Variants in EPHA6 observed in about 807,000 individuals in gnomAD.
The protein encoded by EPHA6 is ephrin type-A receptor 6.
A neutral mutation model predicts 112.0 loss-of-function variants in EPHA6; 50 were observed. The observed-to-expected ratio is 0.45, with a 90% CI of 0.36 to 0.56. The LOEUF (loss-of-function observed/expected upper bound fraction) is 0.56, where lower values mean the gene tolerates loss of function less well. Ranked by LOEUF, EPHA6 falls within the 20% of genes least tolerant of loss-of-function variation. The pLI is 0.00. For missense variants in EPHA6, 1,280 were observed against 1,417.4 expected, an observed-to-expected ratio of 0.90 and a Z score of 1.56; for synonymous variants, 529 against 490.7, an observed-to-expected ratio of 1.08 and a Z score of -1.03.
At chr3:97,575,395 A>C (rs1411395136) in intron 11 of EPHA6, among the ~76,000 whole-genome samples, 3 of 152,222 alleles carry the variant, frequency 2.0e-5, no homozygotes, top group African/African-American at 7.2e-5. Flanking sequence ...CAAAACATGT[A>C]ATCAAATTTA....
At chr3:97,215,028 G>T (rs924082014) in intron 3 of EPHA6, among the ~76,000 whole-genome samples, 3 of 152,172 alleles carry the variant, frequency 2.0e-5, no homozygotes, top group Non-Finnish European at 2.9e-5. Context: ...GATAAGTCAT[G>T]CAGGTTTATC....
intron 9 of EPHA6, chr3:97,481,058 A>C (rs1577530903): frequency 2.3e-6 from 1 of 426,506 alleles, no homozygotes; most frequent in Non-Finnish European, 4.5e-6. Context: ...GAGGCTCCTC[A>C]CTTCCCAGAC....
At chr3:96,993,532 C>A (rs989245738) in intron 3 of EPHA6, among the ~76,000 whole-genome samples, 8 of 151,994 alleles carry the variant, frequency 5.3e-5, no homozygotes, top group Non-Finnish European at 1.2e-4. Flanking sequence ...TGCTCCTGGC[C>A]CCCACTATTC....
chr3:97,620,126 A>G (rs1023802255), intron 13 of EPHA6, among the ~76,000 whole-genome samples: 1 of 152,068 alleles, frequency 6.6e-6, no homozygotes, highest in Non-Finnish European at 1.5e-5. Flanking sequence ...ACCTACAGCT[A>G]TCTAATCCTT....
At chr3:96,966,329 C>G (rs967448000) in intron 2 of EPHA6, among the ~76,000 whole-genome samples, 2 of 151,954 alleles carry the variant, frequency 1.3e-5, no homozygotes, top group Non-Finnish European at 2.9e-5. Context: ...GAGACCCTTA[C>G]AGGGAGCCAG....
intron 2 of EPHA6, among the ~76,000 whole-genome samples, chr3:96,933,791 T>G (rs757462963): frequency 2.0e-5 from 3 of 152,070 alleles, no homozygotes; most frequent in Admixed American, 6.6e-5. Flanking sequence ...ACACAAATAG[T>G]TGTGAACTGA....
rs533430500 is a variant in EPHA6, at chr3:97,395,694, T to A, written c.1607-9456T>A. Among the ~76,000 whole-genome samples, 184 of 151,568 alleles carry A rather than the reference T, an allele frequency of 1.2e-3. 5 individuals are homozygous for A. In the South Asian group the frequency reaches 0.035, roughly 29 times the overall value. On this transcript the variant is annotated intron_variant, in intron 5 of 17. Transcript: ENST00000389672. ...CATTTCATTGAGTTTTTTATTATAT[T>A]TCCCTTAAAACACACCTACACACAC... is the stretch of plus-strand genomic sequence containing the variant.
rs947454233 is a variant in EPHA6, at chr3:97,161,395, C to T, written c.1115-64869C>T. Among the ~76,000 whole-genome samples, 4 of 152,280 alleles carry T rather than the reference C, an allele frequency of 2.6e-5. 1 individual carries two copies. The highest frequency in any genetic ancestry group is 6.8e-3 in the Middle Eastern group (2 of 294). The stretch of plus-strand genomic sequence containing the variant: ...CTCTAAACAGCTTCCACTACCACTA[C>T]CGCTGACACTTTAAGCACCATTGGA... On this transcript the variant is annotated intron_variant, in intron 3 of 17. Coordinates refer to ENST00000389672, the MANE Select transcript of EPHA6 (RefSeq NM_001080448.3).
At chr3:97,028,721 A>T (rs997908587) in intron 3 of EPHA6, among the ~76,000 whole-genome samples, 2 of 152,000 alleles carry the variant, frequency 1.3e-5, no homozygotes, top group African/African-American at 2.4e-5. Context: ...TTAATATCCT[A>T]ATAAGATGCT....
chr3:97,497,031 C>G (rs1487614794), intron 10 of EPHA6, among the ~76,000 whole-genome samples: 1 of 152,158 alleles, frequency 6.6e-6, no homozygotes, highest in African/African-American at 2.4e-5. Flanking sequence ...AACAGCCTCC[C>G]TGGCCAACCC....
chr3:97,547,190 G>T (rs969516231), intron 11 of EPHA6, among the ~76,000 whole-genome samples: 1 of 152,138 alleles, frequency 6.6e-6, no homozygotes, highest in African/African-American at 2.4e-5. Flanking sequence ...TCCCATCTTT[G>T]TGGTTTTATC....
In EPHA6 at chr3:97,566,687, G is replaced by A. The variant is rs745957170; in HGVS notation, c.2387-25925G>A. ...GTCACTCAAAATCCAGGATCATTTA[G>A]CTGCAGGTATGGCTGGATCTAGGAT... On this transcript the variant is annotated intron_variant, in intron 11 of 17. Transcript: ENST00000389672. 1.2e-4 allele frequency among the ~76,000 whole-genome samples: 18 copies of A among 152,144 alleles called. 1 individual carries two copies. The highest frequency in any genetic ancestry group is 2.2e-4 in the Non-Finnish European group (15 of 68,020).
intron 7 of EPHA6, among the ~76,000 whole-genome samples, chr3:97,474,604 A>G (rs2107458175): frequency 6.6e-6 from 1 of 152,110 alleles, no homozygotes; most frequent in South Asian, 2.1e-4. Context: ...AAGCATTATT[A>G]ATATAAAAAA....
intron 3 of EPHA6, among the ~76,000 whole-genome samples, chr3:97,074,616 G>T (rs1031944686): frequency 2.0e-5 from 3 of 151,662 alleles, no homozygotes; most frequent in Non-Finnish European, 4.4e-5. Flanking sequence ...CAATAGAAAC[G>T]TTTTAATTTT....
At chr3:97,216,143 G>A (rs942841506) in intron 3 of EPHA6, among the ~76,000 whole-genome samples, 1 of 152,186 alleles carries the variant, frequency 6.6e-6, no homozygotes, top group African/African-American at 2.4e-5. Context: ...TCTTCTGGCA[G>A]TACAAGCATG....
intron 3 of EPHA6, among the ~76,000 whole-genome samples, chr3:97,012,771 G>C (rs960725570): frequency 6.6e-6 from 1 of 150,800 alleles, no homozygotes; most frequent in African/African-American, 2.4e-5. Flanking sequence ...CTATTTTTTT[G>C]ACTTTTTAAT....
At chr3:97,117,699 A>T (rs1345755488) in intron 3 of EPHA6, among the ~76,000 whole-genome samples, 2 of 151,758 alleles carry the variant, frequency 1.3e-5, no homozygotes, top group African/African-American at 4.8e-5. Context: ...TACTAGTACC[A>T]TGCTGTTTTG....
chr3:97,641,732 CG>C (rs1445894002), intron 14 of EPHA6, among the ~76,000 whole-genome samples: 2 of 152,204 alleles, frequency 1.3e-5, no homozygotes, highest in Non-Finnish European at 2.9e-5. Context: ...CTTTTCAGAC[CG>C]GCTTAAAAAA....
At chr3:97,549,424 T>C (rs1484491438) in intron 11 of EPHA6, among the ~76,000 whole-genome samples, 1 of 152,198 alleles carries the variant, frequency 6.6e-6, no homozygotes, top group Non-Finnish European at 1.5e-5. Context: ...CAGTCAGGCA[T>C]GTCCCATTCC....
Sources: allele counts gnomAD v4.1 joint callset (sites outside exome capture counted in the v4.1 genomes callset), GRCh38; gene constraint gnomAD v4.1.1; transcripts MANE v1.5; gene names NCBI Gene and HGNC (gene_info 2026-07-23, HGNC 2026-07-21).